PPP3CB: variants seen among roughly 807,000 people sequenced by gnomAD.
The protein encoded by PPP3CB is serine/threonine-protein phosphatase 2B catalytic subunit beta isoform.
PPP3CB carries 8 observed loss-of-function variants against 66.4 expected under a neutral mutation model. The ratio of observed to expected loss-of-function variants is 0.12; its 90% confidence interval spans 0.07 to 0.22. The LOEUF (loss-of-function observed/expected upper bound fraction) is 0.22. Among genes scored for constraint, PPP3CB ranks in the 10% least tolerant of loss-of-function variants. PPP3CB has a pLI of 1.00. For synonymous variants in PPP3CB, 208 were observed against 221.2 expected (o/e 0.94, Z 0.53); for missense variants, 319 against 642.5 (o/e 0.50, Z 5.44).
Position 73,446,467 on chromosome 10 carries a change from A to G in PPP3CB, c.1268+25T>C. The G allele has an allele frequency of 1.9e-6, 3 of 1,593,268 alleles. No individual in the cohort carries two copies. In the Middle Eastern group the frequency reaches 5.0e-4, roughly 265 times the overall value. On this transcript the variant is annotated intron_variant, in intron 11 of 13. Coordinates refer to ENST00000360663, the MANE Select transcript of PPP3CB (RefSeq NM_021132.4). ...CAATAAACGTAATTTCTGCAAAACA[A>G]ATAATCAAGAAAATATATCATTACC...
rs58404946 is a variant in PPP3CB, at chr10:73,485,950, G to GTGTGTGTGTGTGTGTGTGTGTA, written c.86-6434_86-6433insTACACACACACACACACACACA. On this transcript the variant is annotated intron_variant, in intron 1 of 13. Transcript: ENST00000360663. ...TGTGTGTGTGTGTGTGTGTGTGTGT[G>GTGTGTGTGTGTGTGTGTGTGTA]TATTTTTTTTTTTCAGATGCAGTCT... 9.0e-4 allele frequency among the ~76,000 whole-genome samples: 112 copies of GTGTGTGTGTGTGTGTGTGTGTA among 124,668 alleles called. 3 individuals are homozygous for GTGTGTGTGTGTGTGTGTGTGTA. Among genetic ancestry groups the GTGTGTGTGTGTGTGTGTGTGTA allele is most frequent in the East Asian group, 5.8e-3 (19 of 3,294 alleles). The allele number at this position is 124,668 out of a possible 152,430, so 81.8% of individuals were successfully genotyped here.
intron 3 of PPP3CB, among the ~76,000 whole-genome samples, chr10:73,478,093 G>A (rs1409469294): frequency 2.0e-5 from 3 of 151,986 alleles, no homozygotes; most frequent in Non-Finnish European, 4.4e-5. Context: ...AGAAACAGAA[G>A]CACTAGGGCT....
rs757922321 is a variant in PPP3CB, at chr10:73,478,467, C to G, written c.411+32G>C. 3 of 1,583,488 alleles carry G rather than the reference C, an allele frequency of 1.9e-6. No homozygotes were observed. In the Admixed American group the frequency reaches 5.1e-5, roughly 27 times the overall value. On this transcript the variant is annotated intron_variant, in intron 3 of 13. Coordinates refer to ENST00000360663, the MANE Select transcript of PPP3CB (RefSeq NM_021132.4). ...TGAAAGCATCTGTGTTAACACTTAA[C>G]AGCAAATCAAATGACAGTTTATGAT...
At chr10:73,477,913 T>C (rs923784888) in intron 3 of PPP3CB, among the ~76,000 whole-genome samples, 1 of 149,894 alleles carries the variant, frequency 6.7e-6, no homozygotes, top group East Asian at 1.9e-4. Flanking sequence ...TAAGACCCTG[T>C]CTCAAAAAAA....
chr10:73,478,579 A>G lies in PPP3CB; in HGVS notation c.331T>C (p.Phe111Leu), dbSNP rs776597343. The G allele has an allele frequency of 2.5e-6, 4 of 1,611,916 alleles. No individual in the cohort carries two copies. In the African/African-American group the frequency reaches 5.3e-5, roughly 22 times the overall value. The change falls in exon 3 of 14, where the codon TTT (phenylalanine) becomes CTT (leucine). Residue 111 changes from phenylalanine to leucine, a missense_variant. By Grantham distance (22) the Phe-to-Leu change is conservative. Transcript: ENST00000360663. The part of the protein sequence containing the change: ...HGQFFDLMKL[F>L]EVGGSPANTR... ...TTAGCAGGTGATCCTCCTACTTCAAAAAGTTTCATCAGATCAAAAAATTGG... is the reference window on the plus strand; with the variant it reads ...TTAGCAGGTGATCCTCCTACTTCAAGAAGTTTCATCAGATCAAAAAATTGG...
intron 9 of PPP3CB, among the ~76,000 whole-genome samples, chr10:73,465,302 C>A (rs1475242015): frequency 6.6e-6 from 1 of 152,042 alleles, no homozygotes; most frequent in African/African-American, 2.4e-5. Flanking sequence ...GATTGTTGTA[C>A]AGTGTATTCT....
At chr10:73,487,370 A>G (rs529832493) in intron 1 of PPP3CB, among the ~76,000 whole-genome samples, 1 of 152,156 alleles carries the variant, frequency 6.6e-6, no homozygotes, top group South Asian at 2.1e-4. Context: ...CAACATGGCG[A>G]AATCCCGTCT....
chr10:73,467,508 T>C (rs1299102694), intron 9 of PPP3CB, 45 bp downstream of exon 9: 1 of 1,383,012 alleles, frequency 7.2e-7, no homozygotes, highest in Non-Finnish European at 9.6e-7. Flanking sequence ...CTGGAGTAAA[T>C]GTAACAGTAA....
intron 8 of PPP3CB, among the ~76,000 whole-genome samples, chr10:73,467,995 G>A (rs2132911170): frequency 6.6e-6 from 1 of 152,140 alleles, no homozygotes. Flanking sequence ...CCAAAATTGT[G>A]AAAACTCAGT....
intron 9 of PPP3CB, among the ~76,000 whole-genome samples, chr10:73,455,867 G>C (rs1389674604): frequency 1.3e-5 from 2 of 152,184 alleles, no homozygotes; most frequent in Non-Finnish European, 2.9e-5. Flanking sequence ...ACCGCGCCCA[G>C]CCTGTCAACT....
chr10:73,486,786 CA>C (rs2056985908), intron 1 of PPP3CB, among the ~76,000 whole-genome samples: 1 of 152,190 alleles, frequency 6.6e-6, no homozygotes, highest in African/African-American at 2.4e-5. Context: ...TTAGCACTTC[CA>C]ACATCATCTC....
intron 9 of PPP3CB, among the ~76,000 whole-genome samples, chr10:73,464,759 C>T (rs888816631): frequency 6.6e-6 from 1 of 152,114 alleles, no homozygotes; most frequent in Admixed American, 6.6e-5. Flanking sequence ...TGGTGAAACC[C>T]CGTCTCTACT....
At chr10:73,455,223 T>C (rs1313738129) in intron 9 of PPP3CB, among the ~76,000 whole-genome samples, 1 of 152,158 alleles carries the variant, frequency 6.6e-6, no homozygotes, top group Non-Finnish European at 1.5e-5. Flanking sequence ...TCTTGAAATT[T>C]ACTTCTAAAG....
chr10:73,451,137 A>T (rs1258327666), intron 10 of PPP3CB, among the ~76,000 whole-genome samples: 2 of 152,076 alleles, frequency 1.3e-5, no homozygotes, highest in Non-Finnish European at 2.9e-5. Context: ...TAAGAAGAGG[A>T]CTAAAGCATT....
At chr10:73,486,972 A>G (rs975169748) in intron 1 of PPP3CB, among the ~76,000 whole-genome samples, 1 of 152,190 alleles carries the variant, frequency 6.6e-6, no homozygotes, top group African/African-American at 2.4e-5. Context: ...GGAGTTTCAG[A>G]CCAGCCTGGC....
At chr10:73,493,649 T>C (rs1180339683) in intron 1 of PPP3CB, among the ~76,000 whole-genome samples, 7 of 152,118 alleles carry the variant, frequency 4.6e-5, no homozygotes, top group Non-Finnish European at 1.0e-4. Context: ...AAACATATAA[T>C]CCATACAGGA....
At chr10:73,457,195 T>C (rs1409702372) in intron 9 of PPP3CB, among the ~76,000 whole-genome samples, 1 of 124,022 alleles carries the variant, frequency 8.1e-6, no homozygotes, top group East Asian at 2.7e-4. Context: ...AGAAGGAGGA[T>C]CACTTGAGCC....
At chr10:73,455,602 G>A (rs959415449) in intron 9 of PPP3CB, among the ~76,000 whole-genome samples, 1 of 151,890 alleles carries the variant, frequency 6.6e-6, no homozygotes, top group East Asian at 1.9e-4. Context: ...ATGGAGTCTC[G>A]CTGTCGCCCA....
chr10:73,438,812 A>T (rs1041273320), intron 13 of PPP3CB, among the ~76,000 whole-genome samples: 22 of 152,298 alleles, frequency 1.4e-4, no homozygotes, highest in African/African-American at 5.3e-4. Flanking sequence ...CAGCAATGAG[A>T]GTAGGGGCAA....
Sources: gnomAD v4.1 joint callset for allele counts (sites outside exome capture counted in the v4.1 genomes callset) on GRCh38, gnomAD v4.1.1 for gene constraint, MANE v1.5 for transcripts, NCBI Gene and HGNC (gene_info 2026-07-23, HGNC 2026-07-21) for gene names.